The following TEX9 variants were observed in gnomAD, a reference collection of about 807,000 sequenced individuals.
TEX9 encodes testis-expressed protein 9.
Under a neutral mutation model 59.6 loss-of-function variants are expected in TEX9, and 74 were observed. The ratio of observed to expected loss-of-function variants is 1.24; its 90% CI spans 1.03 to 1.51. TEX9 has a LOEUF of 1.51. Among genes scored for constraint, TEX9 ranks in the 40% most tolerant of loss-of-function variants. The probability of loss-of-function intolerance (pLI) is 0.00; values close to 1 mark genes in which losing one functional copy is unlikely to be tolerated. For missense variants in TEX9, 522 were observed against 447.8 expected, an observed-to-expected ratio of 1.17 and a Z score of -1.49; for synonymous variants, 186 against 152.2, an observed-to-expected ratio of 1.22 and a Z score of -1.64.
chr15:56,348,548 C>A (rs747578894), intron 1 of TEX9, among the ~76,000 whole-genome samples: 1 of 152,066 alleles, frequency 6.6e-6, no homozygotes, highest in Non-Finnish European at 1.5e-5. Flanking sequence ...CCTCTCAGTA[C>A]TTTAGAGATG....
At chr15:56,415,097 G>T (rs182291871) in intron 10 of TEX9, among the ~76,000 whole-genome samples, 22 of 151,626 alleles carry the variant, frequency 1.5e-4, no homozygotes, top group Admixed American at 1.3e-3. Flanking sequence ...TTCTTCTCTT[G>T]TAAATTTGTT....
At chr15:56,413,482 T>A (rs1490104480) in intron 10 of TEX9, among the ~76,000 whole-genome samples, 1 of 151,312 alleles carries the variant, frequency 6.6e-6, no homozygotes, top group Non-Finnish European at 1.5e-5. Context: ...CACACTGTTA[T>A]ACAACCTATC....
chr15:56,436,258 C>T (rs1443224729), intron 12 of TEX9, among the ~76,000 whole-genome samples: 1 of 152,168 alleles, frequency 6.6e-6, no homozygotes, highest in Non-Finnish European at 1.5e-5. Context: ...CAAACTGTCT[C>T]TCAGACCACA....
At chr15:56,279,489 A>G (rs548872997) in intron 1 of TEX9, among the ~76,000 whole-genome samples, 1 of 152,316 alleles carries the variant, frequency 6.6e-6, no homozygotes, top group Non-Finnish European at 1.5e-5. Context: ...TTATCTAGTC[A>G]AAGGAAAGCT....
chr15:56,365,755 G>A, intron 2 of TEX9, 85 bp downstream of exon 2: 1 of 1,558,202 alleles, frequency 6.4e-7, no homozygotes. Flanking sequence ...GAGACTGGCT[G>A]GATCTTCGGG....
At chr15:56,402,299 G>A (rs2048833942) in intron 9 of TEX9, among the ~76,000 whole-genome samples, 1 of 152,084 alleles carries the variant, frequency 6.6e-6, no homozygotes, top group Admixed American at 6.5e-5. Flanking sequence ...AAATGATAAA[G>A]GGGATATCGC....
At chr15:56,286,893 ATT>A (rs1428031812) in intron 1 of TEX9, among the ~76,000 whole-genome samples, 1 of 151,690 alleles carries the variant, frequency 6.6e-6, no homozygotes, top group Non-Finnish European at 1.5e-5. Flanking sequence ...TATTTTAACT[ATT>A]TCACTAATAT....
At chr15:56,265,713 T>C (rs756082857) in intron 1 of TEX9, among the ~76,000 whole-genome samples, 1 of 152,218 alleles carries the variant, frequency 6.6e-6, no homozygotes, top group Non-Finnish European at 1.5e-5. Flanking sequence ...CTTCATATGA[T>C]TTTTAATTCT....
At chr15:56,336,093 C>G (rs2046251215) in intron 1 of TEX9, among the ~76,000 whole-genome samples, 1 of 152,144 alleles carries the variant, frequency 6.6e-6, no homozygotes, top group Non-Finnish European at 1.5e-5. Flanking sequence ...CGCTGAAATA[C>G]TTTCATTTCT....
At chr15:56,427,339 A>T (rs1201142781) in intron 10 of TEX9, among the ~76,000 whole-genome samples, 1 of 152,164 alleles carries the variant, frequency 6.6e-6, no homozygotes, top group Non-Finnish European at 1.5e-5. Context: ...TCCAGAGTTT[A>T]TGTTGGTTCA....
chr15:56,280,601 G>T (rs1183212597), intron 1 of TEX9, among the ~76,000 whole-genome samples: 2 of 152,158 alleles, frequency 1.3e-5, no homozygotes, highest in Non-Finnish European at 2.9e-5. Context: ...TTTCCAATAA[G>T]TTTATAGGGA....
chr15:56,313,881 A>G (rs2045688317), intron 1 of TEX9, among the ~76,000 whole-genome samples: 2 of 122,106 alleles, frequency 1.6e-5, no homozygotes, highest in South Asian at 3.0e-4. Context: ...GTCTTGGGAG[A>G]GTGTATGTGT....
At chr15:56,442,586 C>T (rs548800621) in intron 12 of TEX9, among the ~76,000 whole-genome samples, 8 of 152,172 alleles carry the variant, frequency 5.3e-5, no homozygotes, top group Non-Finnish European at 8.8e-5. Flanking sequence ...ATATCCTTTG[C>T]GTCAACATGG....
chr15:56,405,053 C>G (rs1233244839), intron 9 of TEX9, among the ~76,000 whole-genome samples: 1 of 151,976 alleles, frequency 6.6e-6, no homozygotes, highest in Non-Finnish European at 1.5e-5. Context: ...ATGGGTGCAG[C>G]AAATCAACAT....
intron 9 of TEX9, among the ~76,000 whole-genome samples, chr15:56,402,542 G>T (rs879107349): frequency 6.6e-6 from 1 of 152,132 alleles, no homozygotes. Flanking sequence ...ATTCACAGGC[G>T]AATTCTACCA....
chr15:56,274,729 T>G (rs1230140970), intron 1 of TEX9: 1 of 152,154 alleles, frequency 6.6e-6, no homozygotes, highest in Non-Finnish European at 1.5e-5. Flanking sequence ...GGCATGTTTT[T>G]TTTTTTCTCC....
At position 56,251,811 on chromosome 15, in the gene TEX9, G is replaced by T. The variant is rs117449737; in HGVS notation, c.-107+7533G>T. On this transcript the variant is annotated intron_variant, in intron 1 of 5. Transcript: ENST00000560827. ...GCAAATGAAGAGGAATGGATTATTGGCCAGGCCTTGGGGAAATTCAGGATA... is the reference window on the plus strand; with the variant it reads ...GCAAATGAAGAGGAATGGATTATTGTCCAGGCCTTGGGGAAATTCAGGATA... Among the ~76,000 whole-genome samples the T allele has an allele frequency of 8.7e-3, 1,324 of 152,168 alleles. 9 individuals are homozygous for T. Among genetic ancestry groups the T allele is most frequent in the Non-Finnish European group, 0.014 (932 of 67,992 alleles).
chr15:56,348,713 T>C (rs1438365182), intron 1 of TEX9, among the ~76,000 whole-genome samples: 1 of 152,124 alleles, frequency 6.6e-6, no homozygotes, highest in African/African-American at 2.4e-5. Flanking sequence ...CATGTGGGCA[T>C]GGCTTCTTTC....
At chr15:56,285,539 A>G (rs768746427) in intron 1 of TEX9, among the ~76,000 whole-genome samples, 10 of 152,334 alleles carry the variant, frequency 6.6e-5, no homozygotes, top group Middle Eastern at 6.8e-3. Flanking sequence ...CAAGTTTTAC[A>G]GGAATGACAG....
Sources: gnomAD v4.1 joint callset for allele counts (sites outside exome capture counted in the v4.1 genomes callset) on GRCh38, gnomAD v4.1.1 for gene constraint, MANE v1.5 for transcripts, NCBI Gene and HGNC (gene_info 2026-07-23, HGNC 2026-07-21) for gene names.